Variants in ZNF146 observed in about 807,000 individuals in gnomAD.
ZNF146 encodes the protein zinc finger protein 146.
Under a neutral mutation model 22.2 loss-of-function variants are expected in ZNF146, and 9 were observed. That is an observed-to-expected ratio of 0.41 (90% CI 0.24 to 0.71). The LOEUF is 0.71. Among genes scored for constraint, ZNF146 ranks in the 30% least tolerant of loss-of-function variants. The pLI is 0.34. For missense variants in ZNF146, 194 were observed against 344.8 expected, an observed-to-expected ratio of 0.56 and a Z score of 3.46; for synonymous variants, 108 against 119.2, an observed-to-expected ratio of 0.91 and a Z score of 0.61.
Position 36,236,457 on chromosome 19 carries a change from A to C in ZNF146, c.17A>C (p.Gln6Pro), listed in dbSNP as rs748615907. The C allele has an allele frequency of 2.2e-5, 36 of 1,605,030 alleles. No homozygotes were observed. The highest frequency in any genetic ancestry group is 3.1e-5 in the Non-Finnish European group (36 of 1,174,956). The stretch of plus-strand genomic sequence containing the variant: ...TCCATTCAGATGTCACACCTCAGCC[A>C]GCAGAGAATTTACAGTGGGGAAAAC... The part of the protein sequence containing the change: MSHLS[Q>P]QRIYSGENPF... Residue 6 changes from glutamine (Q) to proline (P), a missense_variant, in exon 4 of 4, where the codon CAG (glutamine) becomes CCG (proline). By Grantham distance (76) the Gln-to-Pro change is moderately conservative. Transcript: ENST00000443387.
intron 2 of ZNF146, among the ~76,000 whole-genome samples, chr19:36,225,252 G>A (rs1977016838): frequency 6.6e-6 from 1 of 152,172 alleles, no homozygotes; most frequent in African/African-American, 2.4e-5. Context: ...GGGAAAATCT[G>A]TTGATTGAGG....
At chr19:36,229,409 A>G (rs1977224964) in intron 3 of ZNF146, among the ~76,000 whole-genome samples, 1 of 152,086 alleles carries the variant, frequency 6.6e-6, no homozygotes, top group Admixed American at 6.6e-5. Context: ...GTATGGCACA[A>G]TTACAGCTCA....
At chr19:36,220,218 T>G (rs1229207927) in intron 2 of ZNF146, among the ~76,000 whole-genome samples, 1 of 152,218 alleles carries the variant, frequency 6.6e-6, no homozygotes, top group African/African-American at 2.4e-5. Context: ...AACATTGTTT[T>G]AAGGCCATTT....
rs1365897766 is a variant in ZNF146, at chr19:36,227,330, A to T, written c.-854-1418A>T. Reference sequence around the variant, plus strand: ...CTTGAACCCGGGAGGCAGAGGTTGCAGTGAGCAGAGATCACGTCACTGCAC... The same window carrying T: ...CTTGAACCCGGGAGGCAGAGGTTGCTGTGAGCAGAGATCACGTCACTGCAC... On this transcript the variant is annotated intron_variant, in intron 2 of 3. Coordinates refer to ENST00000443387, the MANE Select transcript of ZNF146 (RefSeq NM_007145.3). Among the ~76,000 whole-genome samples the T allele has an allele frequency of 5.3e-5, 8 of 151,198 alleles. No individual in the cohort carries two copies. The East Asian group carries it at 1.6e-3, about 29-fold the overall frequency.
chr19:36,219,092 G>A (rs1976734413), intron 2 of ZNF146, among the ~76,000 whole-genome samples: 1 of 152,196 alleles, frequency 6.6e-6, no homozygotes, highest in South Asian at 2.1e-4. Flanking sequence ...ACAGGCGTGA[G>A]CCACTGCGCC....
intron 2 of ZNF146, among the ~76,000 whole-genome samples, chr19:36,222,486 C>G (rs946135843): frequency 4.6e-5 from 7 of 152,340 alleles, no homozygotes; most frequent in Admixed American, 4.6e-4. Flanking sequence ...TAAGTACTTA[C>G]ACTCCCACAA....
intron 2 of ZNF146, among the ~76,000 whole-genome samples, chr19:36,222,695 C>T (rs1425760139): frequency 6.7e-6 from 1 of 149,422 alleles, no homozygotes; most frequent in East Asian, 1.9e-4. Flanking sequence ...ATATCCTTTT[C>T]ACCATTTTTC....
chr19:36,236,746 T>G lies in ZNF146; in HGVS notation c.306T>G (p.Cys102Trp). The change falls in exon 4 of 4, where the codon TGT becomes TGG. Residue 102 changes from cysteine (C) to tryptophan (W), a missense_variant. Transcript: ENST00000443387. ...ACACTGGAGAAAAACCTTTTGAGTG[T>G]AAAGATTGCGGGAAAGCTTTCATTC... ...KIHTGEKPFE[C>W]KDCGKAFIQK... is the part of the protein sequence containing the mutation. The G allele has an allele frequency of 6.2e-7, 1 of 1,614,164 alleles. No individual in the cohort carries two copies. The highest frequency in any genetic ancestry group is 1.1e-5 in the South Asian group (1 of 91,080).
At chr19:36,230,193 TTTAA>T (rs1977266589) in intron 3 of ZNF146, among the ~76,000 whole-genome samples, 2 of 152,240 alleles carry the variant, frequency 1.3e-5, no homozygotes, top group African/African-American at 4.8e-5. Context: ...TGTTTATAAA[TTTAA>T]TTGAGATAAG....
chr19:36,229,612 T>A (rs1977235368), intron 3 of ZNF146, among the ~76,000 whole-genome samples: 1 of 152,226 alleles, frequency 6.6e-6, no homozygotes, highest in Non-Finnish European at 1.5e-5. Context: ...CAAATATATA[T>A]ACATATAAGC....
intron 2 of ZNF146, among the ~76,000 whole-genome samples, chr19:36,223,144 C>T (rs1021591379): frequency 2.0e-5 from 3 of 151,604 alleles, no homozygotes; most frequent in Admixed American, 6.6e-5. Flanking sequence ...TGGCTGGGCG[C>T]GATGGCTCAC....
chr19:36,217,451 T>C (rs1976659201), intron 1 of ZNF146, among the ~76,000 whole-genome samples: 1 of 151,902 alleles, frequency 6.6e-6, no homozygotes, highest in Non-Finnish European at 1.5e-5. Flanking sequence ...TTGGTGTACA[T>C]CGATACAACA....
rs991427881 is a variant in ZNF146 at position 36,235,774 on chromosome 19, A to G, written c.-667A>G. On this transcript the variant is annotated 5_prime_UTR_variant, in exon 4 of 4. It adds an upstream start codon to the 5' untranslated region. Transcript: ENST00000443387. ...AAGACTGAGAAAAAGAGCGTTGAAT[A>G]TAAGAAAAAATACTTCCTCTGTTCT... The G allele has an allele frequency of 6.6e-6, 1 of 152,244 alleles. No homozygotes were observed. Among genetic ancestry groups the G allele is most frequent in the African/African-American group, 2.4e-5 (1 of 41,454 alleles). The allele number at this position is 152,244 out of a possible 1,614,324, so 9.4% of individuals were successfully genotyped here. A position where few individuals can be genotyped will look rare whatever the true frequency, so the allele number is the denominator to read the frequency against.
At chr19:36,235,187 T>G (rs1025500170) in intron 3 of ZNF146, among the ~76,000 whole-genome samples, 1 of 148,976 alleles carries the variant, frequency 6.7e-6, no homozygotes, top group Non-Finnish European at 1.5e-5. Context: ...CCAGCCTGGA[T>G]AACGAGCGAA....
chr19:36,237,015 CCTT>C lies in ZNF146; in HGVS notation c.578_580del (p.Phe193del), dbSNP rs1977667801. 6.2e-7 allele frequency: 1 copy of C among 1,614,194 alleles called. No individual in the cohort carries two copies. Among genetic ancestry groups the C allele is most frequent in the Non-Finnish European group, 8.5e-7 (1 of 1,180,038 alleles). On this transcript the variant is annotated inframe_deletion, in exon 4 of 4. Coordinates refer to ENST00000443387, the MANE Select transcript of ZNF146 (RefSeq NM_007145.3). The stretch of plus-strand genomic sequence containing the variant: ...TATGAATGTAACGAATGTGGAAAAG[CCTT>C]CTCTCAGCGAACATCACTTATTGTA...
intron 2 of ZNF146, among the ~76,000 whole-genome samples, chr19:36,228,174 A>AAAGAAAG (rs58268391): frequency 1.4e-5 from 2 of 144,226 alleles, no homozygotes; most frequent in African/African-American, 5.2e-5. Context: ...AAAAAAAAAA[A>AAAGAAAG]AAAGAAAGAA....
intron 2 of ZNF146, among the ~76,000 whole-genome samples, chr19:36,226,638 G>A (rs34521310): frequency 0.051 from 7,761 of 152,082 alleles, 252 homozygotes; most frequent in Non-Finnish European, 0.069. Flanking sequence ...AAATACTTCA[G>A]CATGCATTTT....
At chr19:36,221,927 C>T (rs201061531) in intron 2 of ZNF146, among the ~76,000 whole-genome samples, 15 of 109,914 alleles carry the variant, frequency 1.4e-4, no homozygotes, top group South Asian at 6.1e-4. Flanking sequence ...TTTTTTCTTT[C>T]TTTTTTTTTT....
At chr19:36,228,292 C>T (rs1254173017) in intron 2 of ZNF146, among the ~76,000 whole-genome samples, 1 of 151,884 alleles carries the variant, frequency 6.6e-6, no homozygotes, top group Admixed American at 6.6e-5. Context: ...TGCCCATGTG[C>T]TTTAGTTCTG....
Sources: allele counts gnomAD v4.1 joint callset (sites outside exome capture counted in the v4.1 genomes callset), GRCh38; gene constraint gnomAD v4.1.1; transcripts MANE v1.5; gene names NCBI Gene and HGNC (gene_info 2026-07-23, HGNC 2026-07-21).